Variants in RPRD1B observed in about 807,000 individuals in gnomAD.
The protein encoded by RPRD1B is regulation of nuclear pre-mRNA domain-containing protein 1B.
RPRD1B carries 11 observed loss-of-function variants against 41.5 expected under a neutral mutation model. The ratio of observed to expected loss-of-function variants is 0.27; its 90% confidence interval spans 0.17 to 0.44. RPRD1B has a LOEUF of 0.44. RPRD1B is among the 20% of genes least tolerant of loss of function. The probability of loss-of-function intolerance (pLI) is 1.00; values close to 1 mark genes in which losing one functional copy is unlikely to be tolerated. For missense variants in RPRD1B, 248 were observed against 389.9 expected, an observed-to-expected ratio of 0.64 and a Z score of 3.06; for synonymous variants, 158 against 155.6, an observed-to-expected ratio of 1.02 and a Z score of -0.12.
In RPRD1B at chr20:38,045,686, G is replaced by A. The variant is rs572971638; in HGVS notation, c.282-2662G>A. 2.0e-5 allele frequency among the ~76,000 whole-genome samples: 3 copies of A among 152,274 alleles called. No individual in the cohort carries two copies. The South Asian group carries it at 6.2e-4, about 32-fold the overall frequency. Reference sequence around the variant, plus strand: ...TCCAGGAATGGTGGGTGGTGGGTGTGTGTTGTGATACCCACCTACTTTTAA... The same window carrying A: ...TCCAGGAATGGTGGGTGGTGGGTGTATGTTGTGATACCCACCTACTTTTAA... On this transcript the variant is annotated intron_variant, in intron 2 of 6. Transcript: ENST00000373433.
chr20:38,068,054 C>G (rs2074375058), intron 6 of RPRD1B, among the ~76,000 whole-genome samples: 1 of 152,198 alleles, frequency 6.6e-6, no homozygotes, highest in African/African-American at 2.4e-5. Flanking sequence ...CAGTTGCACT[C>G]TGCTCTGTAT....
intron 3 of RPRD1B, among the ~76,000 whole-genome samples, chr20:38,052,409 C>T (rs1256886010): frequency 6.6e-6 from 1 of 152,156 alleles, no homozygotes; most frequent in African/African-American, 2.4e-5. Context: ...TTTGGCTACT[C>T]AGTTCAGTGA....
intron 3 of RPRD1B, among the ~76,000 whole-genome samples, chr20:38,052,251 A>G (rs2074192743): frequency 6.6e-6 from 1 of 152,222 alleles, no homozygotes; most frequent in African/African-American, 2.4e-5. Flanking sequence ...TCTAGTATCT[A>G]ATGTGCTGAG....
intron 6 of RPRD1B, among the ~76,000 whole-genome samples, chr20:38,078,304 G>A (rs775183542): frequency 1.3e-5 from 2 of 151,970 alleles, no homozygotes; most frequent in Non-Finnish European, 2.9e-5. Context: ...GGCCTTCTTT[G>A]ATCTCAGGCT....
At chr20:38,070,512 G>A in intron 6 of RPRD1B, 1 of 985,458 alleles carries the variant, frequency 1.0e-6, no homozygotes, top group Non-Finnish European at 1.2e-6. Context: ...GTTGACAGAG[G>A]TGACTACATT....
intron 2 of RPRD1B, among the ~76,000 whole-genome samples, chr20:38,042,494 G>A (rs565596452): frequency 1.1e-4 from 16 of 152,290 alleles, no homozygotes; most frequent in African/African-American, 3.1e-4. Flanking sequence ...AACTAGCCAG[G>A]TTTTAGGTGT....
intron 3 of RPRD1B, among the ~76,000 whole-genome samples, chr20:38,057,058 T>A (rs1332736736): frequency 1.3e-5 from 2 of 152,214 alleles, no homozygotes; most frequent in Non-Finnish European, 2.9e-5. Flanking sequence ...TAAAATTAGA[T>A]TTATTTTATT....
intron 1 of RPRD1B, 73 bp from the exon 2 acceptor site, chr20:38,040,362 G>C (rs1308477816): frequency 1.5e-6 from 2 of 1,323,586 alleles, no homozygotes; most frequent in African/African-American, 3.0e-5. Flanking sequence ...TTTAGGAGCA[G>C]CCCAGGGCAA....
chr20:38,046,778 G>A (rs11908522), intron 2 of RPRD1B, among the ~76,000 whole-genome samples: 4,751 of 152,214 alleles, frequency 0.031, 227 homozygotes, highest in African/African-American at 0.11. Flanking sequence ...CGGGGGTGGG[G>A]AAGAGTGGGT....
At chr20:38,086,442 T>C (rs895441287) in intron 6 of RPRD1B, among the ~76,000 whole-genome samples, 3 of 152,238 alleles carry the variant, frequency 2.0e-5, no homozygotes, top group African/African-American at 7.2e-5. Flanking sequence ...CGGTTATCCT[T>C]GCCAATACAT....
intron 1 of RPRD1B, among the ~76,000 whole-genome samples, chr20:38,037,492 T>C (rs552497781): frequency 5.3e-5 from 8 of 152,242 alleles, no homozygotes; most frequent in African/African-American, 1.9e-4. Flanking sequence ...GGGTAGTGAG[T>C]GAAAGGACCT....
In RPRD1B at chr20:38,090,559, T is replaced by C; in HGVS notation, c.*684T>C. 1.0e-6 allele frequency: 1 copy of C among 985,862 alleles called. No individual in the cohort carries two copies. The highest frequency in any genetic ancestry group is 1.2e-6 in the Non-Finnish European group (1 of 829,946). 61.1% of individuals were successfully genotyped at this position (985,862 alleles called of 1,614,324 possible). A position where few individuals can be genotyped will look rare whatever the true frequency, so the allele number is the denominator to read the frequency against. On this transcript the variant is annotated 3_prime_UTR_variant, in exon 7 of 7. Coordinates refer to ENST00000373433, the MANE Select transcript of RPRD1B (RefSeq NM_021215.4). ...GACAGAATAACAGGGATCACAAGCA[T>C]GAATTAAAAGGAATTTATTTGCTTC...
chr20:38,038,376 C>G (rs908740874), intron 1 of RPRD1B, among the ~76,000 whole-genome samples: 3 of 149,202 alleles, frequency 2.0e-5, no homozygotes, highest in East Asian at 2.0e-4. Context: ...TTGGCGCGAT[C>G]TCGGCTCACT....
At chr20:38,065,710 C>T (rs992869656) in intron 5 of RPRD1B, among the ~76,000 whole-genome samples, 11 of 152,078 alleles carry the variant, frequency 7.2e-5, no homozygotes, top group Non-Finnish European at 1.0e-4. Flanking sequence ...AGGGGCCAAC[C>T]GTAATATAAA....
At position 38,090,143 on chromosome 20, in the gene RPRD1B, GT is replaced by G. The variant is rs1404869992; in HGVS notation, c.*272del. On this transcript the variant is annotated 3_prime_UTR_variant, in exon 7 of 7. Coordinates refer to ENST00000373433, the MANE Select transcript of RPRD1B (RefSeq NM_021215.4). ...TTCATATTTTCATGCCCCCCTGTTG[GT>G]TTTCCATTCTTAACTGTCTCCTTAT... is the stretch of plus-strand genomic sequence containing the variant. 1 of 1,163,868 alleles carries G rather than the reference GT, an allele frequency of 8.6e-7. No homozygotes were observed. Among genetic ancestry groups the G allele is most frequent in the East Asian group, 4.2e-5 (1 of 23,782 alleles). 72.1% of individuals were successfully genotyped at this position (1,163,868 alleles called of 1,614,324 possible). A position where few individuals can be genotyped will look rare whatever the true frequency, so the allele number is the denominator to read the frequency against.
rs2122736925 is a variant in RPRD1B at position 38,066,111 on chromosome 20, C to G, written c.686C>G (p.Thr229Arg). ...DKEAAERLSKTVDEACLLLAE... is the reference protein window; with the variant it reads ...DKEAAERLSKRVDEACLLLAE... ...GAGGCAGCTGAACGTCTTTCAAAAA[C>G]AGTAGATGAAGCATGTCTGTTACTA... Residue 229 changes from threonine to arginine, a missense_variant, in exon 6 of 7, where the codon ACA (threonine) becomes AGA (arginine). By Grantham distance (71) the Thr-to-Arg change is moderately conservative. Transcript: ENST00000373433. The G allele has an allele frequency of 6.2e-7, 1 of 1,614,138 alleles. No individual in the cohort carries two copies. The highest frequency in any genetic ancestry group is 1.7e-5 in the Admixed American group (1 of 60,010).
At chr20:38,059,578 T>A (rs994302603) in intron 5 of RPRD1B, 58 bp downstream of exon 5, 10 of 1,569,874 alleles carry the variant, frequency 6.4e-6, no homozygotes, top group Non-Finnish European at 7.9e-6. Flanking sequence ...TGTAATGCAG[T>A]AACCCTAGGC....
At chr20:38,046,096 A>G (rs1003590291) in intron 2 of RPRD1B, among the ~76,000 whole-genome samples, 3 of 152,196 alleles carry the variant, frequency 2.0e-5, no homozygotes, top group Admixed American at 2.0e-4. Flanking sequence ...AGATAGCATG[A>G]ACAAAGGCAC....
intron 6 of RPRD1B, chr20:38,070,336 C>A: frequency 2.5e-5 from 25 of 985,354 alleles, no homozygotes; most frequent in Non-Finnish European, 3.0e-5. Context: ...CATGAGAAAA[C>A]CTAGAAATGG....
Sources: allele counts gnomAD v4.1 joint callset (sites outside exome capture counted in the v4.1 genomes callset), GRCh38; gene constraint gnomAD v4.1.1; transcripts MANE v1.5; gene names NCBI Gene and HGNC (gene_info 2026-07-23, HGNC 2026-07-21).